GIT2: variants seen among roughly 807,000 people sequenced by gnomAD.
The protein encoded by GIT2 is ARF GTPase-activating protein GIT2.
A neutral mutation model predicts 100.3 loss-of-function variants in GIT2; 32 were observed. That is an observed-to-expected ratio of 0.32 (90% CI 0.24 to 0.43). GIT2 has a LOEUF of 0.43. GIT2 is among the 20% of genes least tolerant of loss of function. The pLI, the probability that GIT2 is intolerant of heterozygous loss-of-function variation, is 1.00. For missense variants in GIT2, 737 were observed against 975.1 expected, an observed-to-expected ratio of 0.76 and a Z score of 3.25; for synonymous variants, 353 against 364.1, an observed-to-expected ratio of 0.97 and a Z score of 0.35.
chr12:109,995,848 T>C (rs2137036532), intron 1 of GIT2, among the ~76,000 whole-genome samples: 1 of 152,268 alleles, frequency 6.6e-6, no homozygotes, highest in Non-Finnish European at 1.5e-5. Flanking sequence ...CACATTTTAC[T>C]TCTGTAATTG....
chr12:109,970,614 T>C (rs892036608), intron 7 of GIT2, among the ~76,000 whole-genome samples: 8 of 152,228 alleles, frequency 5.3e-5, no homozygotes, highest in African/African-American at 1.4e-4. Context: ...CTCTGGATTC[T>C]CTATACTGTT....
chr12:109,942,990 G>A (rs1191128543), intron 16 of GIT2: 1 of 152,180 alleles, frequency 6.6e-6, no homozygotes, highest in Non-Finnish European at 1.5e-5. Flanking sequence ...CTGTTAATAG[G>A]AAGGTTACCT....
chr12:109,996,285 G>T lies in GIT2; in HGVS notation c.-61C>A. ...GGGGGACAGCAAAGGCGGCGGTGGC[G>T]GCGGCGCTTCCGCTCTAACGGGTCC... On this transcript the variant is annotated 5_prime_UTR_variant, in exon 1 of 20. Coordinates refer to ENST00000355312, the MANE Select transcript of GIT2 (RefSeq NM_057169.5). 1 of 1,241,292 alleles carries T rather than the reference G, an allele frequency of 8.1e-7. No individual in the cohort carries two copies. The highest frequency in any genetic ancestry group is 2.2e-5 in the Admixed American group (1 of 44,754). The allele number at this position is 1,241,292 out of a possible 1,614,324, so 76.9% of individuals were successfully genotyped here.
At chr12:109,999,638 G>T (rs1889835130), upstream of GIT2, 4 of 1,444,572 alleles carry the variant, frequency 2.8e-6, no homozygotes, top group Non-Finnish European at 9.2e-7. This position sits in a 1 kb window ranked among gnomAD's most constrained non-coding sequence, Gnocchi z 4.3. Context: ...AGACCCCGCC[G>T]GGGCCGAGAC....
chr12:109,933,419 TA>T lies in GIT2; in HGVS notation c.2068-230del. The T allele has an allele frequency of 2.2e-6, 1 of 445,740 alleles. No homozygotes were observed. Among genetic ancestry groups the T allele is most frequent in the East Asian group, 3.5e-5 (1 of 28,900 alleles). The allele number at this position is 445,740 out of a possible 1,614,324, so 27.6% of individuals were successfully genotyped here. On this transcript the variant is annotated intron_variant, in intron 19 of 19. Coordinates refer to ENST00000355312, the MANE Select transcript of GIT2 (RefSeq NM_057169.5). This position sits in a 1 kb window ranked among gnomAD's most constrained non-coding sequence, Gnocchi z 4.5. The stretch of plus-strand genomic sequence containing the variant: ...CAAAGTGCATGCAGGGTAATTTTAG[TA>T]GTATGTGGTATTTTGAAGTAGTTTT...
intron 7 of GIT2, among the ~76,000 whole-genome samples, chr12:109,977,385 C>A (rs1341056288): frequency 6.6e-6 from 1 of 152,092 alleles, no homozygotes; most frequent in Admixed American, 6.6e-5. Context: ...GTGGCACACA[C>A]CTGTAGTCCC....
rs2136159616 is a variant in GIT2 at position 109,938,428 on chromosome 12, T to C, written c.1955A>G (p.Lys652Arg). The change falls in exon 18 of 20, where the codon AAA (lysine) becomes AGA (arginine). Residue 652 changes from lysine (K) to arginine (R), a missense_variant. Physicochemically the swap from Lys to Arg is conservative, Grantham distance 26 (BLOSUM62 2). Transcript: ENST00000355312. Reference protein sequence around the residue: ...DVIRKTEQITKNIQELLRAAQ... With the variant: ...DVIRKTEQITRNIQELLRAAQ... ...TGCTCTTAAGAGCTCCTGTATGTTT[T>C]TGGTGATCTGTTCAGTCTTCCTGAT... The C allele has an allele frequency of 1.2e-6, 2 of 1,614,090 alleles. No individual in the cohort carries two copies. Among genetic ancestry groups the C allele is most frequent in the East Asian group, 2.2e-5 (1 of 44,874 alleles).
chr12:109,985,615 C>T (rs548975841), intron 4 of GIT2, among the ~76,000 whole-genome samples: 23 of 152,032 alleles, frequency 1.5e-4, no homozygotes, highest in South Asian at 2.1e-4. Context: ...TTTGGGAGGC[C>T]GAGGCAGGCA....
chr12:109,936,603 C>T (rs2136143017), intron 18 of GIT2, among the ~76,000 whole-genome samples: 1 of 152,306 alleles, frequency 6.6e-6, no homozygotes, highest in East Asian at 1.9e-4. Flanking sequence ...CACGGTGGCT[C>T]ACGCCTGTAA....
chr12:109,989,916 A>G, intron 2 of GIT2, 114 bp from the exon 3 acceptor site: 2 of 669,784 alleles, frequency 3.0e-6, no homozygotes, highest in South Asian at 1.6e-5. Flanking sequence ...TTTGTTAGGA[A>G]TATCATTCAT....
chr12:109,992,754 T>C (rs1190496687), intron 1 of GIT2, among the ~76,000 whole-genome samples: 1 of 151,674 alleles, frequency 6.6e-6, no homozygotes, highest in Non-Finnish European at 1.5e-5. Context: ...TCACTGCAAC[T>C]TCTGCCTCCA....
chr12:109,991,520 A>G, intron 2 of GIT2, 107 bp downstream of exon 2: 1 of 816,900 alleles, frequency 1.2e-6, no homozygotes, highest in Non-Finnish European at 2.0e-6. Context: ...TCAATTATGA[A>G]ACAGTTTTGT....
At chr12:109,997,081 G>A (rs188036646), upstream of GIT2, among the ~76,000 whole-genome samples, 4,299 of 151,904 alleles carry the variant, frequency 0.028, 147 homozygotes, top group Admixed American at 0.092. Context: ...ACAGTGGCAG[G>A]AGCCTGTAAT....
At chr12:109,945,140 T>C (rs771202229) in intron 16 of GIT2, 120 bp downstream of exon 16, 105 of 649,034 alleles carry the variant, frequency 1.6e-4, no homozygotes, top group Non-Finnish European at 2.6e-4. Context: ...CAGGAGGAAG[T>C]GCTGCCTCAT....
Position 109,931,236 on chromosome 12 carries a change from G to A in GIT2, c.*1742C>T, listed in dbSNP as rs1465185820. ...TTGTGTCTTCTTCACATGTGTGAAT[G>A]ACTGCTATGGGACAGAACATATGGT... On this transcript the variant is annotated 3_prime_UTR_variant, in exon 20 of 20. Coordinates refer to ENST00000355312, the MANE Select transcript of GIT2 (RefSeq NM_057169.5). 6.6e-6 allele frequency: 1 copy of A among 152,284 alleles called. No homozygotes were observed. The highest frequency in any genetic ancestry group is 1.5e-5 in the Non-Finnish European group (1 of 68,068). The allele number at this position is 152,284 out of a possible 1,614,324, so 9.4% of individuals were successfully genotyped here. A position where few individuals can be genotyped will look rare whatever the true frequency, so the allele number is the denominator to read the frequency against.
chr12:109,969,510 T>C (rs949274960), intron 7 of GIT2, among the ~76,000 whole-genome samples: 9 of 152,116 alleles, frequency 5.9e-5, no homozygotes, highest in African/African-American at 2.2e-4. Context: ...CAATATTTTC[T>C]TTTATGCATT....
intron 14 of GIT2, chr12:109,949,053 G>A (rs1340511657): frequency 1.7e-6 from 1 of 576,274 alleles, no homozygotes; most frequent in Non-Finnish European, 3.0e-6. Context: ...TTTCTCTGAA[G>A]AGCAAGCCAT....
chr12:109,961,812 A>C (rs1177894544), intron 9 of GIT2, 127 bp from the exon 10 acceptor site: 1 of 661,016 alleles, frequency 1.5e-6, no homozygotes, highest in Non-Finnish European at 2.7e-6. Flanking sequence ...GTACATACCC[A>C]CTGTTAAACA....
At position 109,989,929 on chromosome 12, in the gene GIT2, C is replaced by A. The variant is rs539959597; in HGVS notation, c.187-127G>T. Reference sequence around the variant, plus strand: ...CATTTGTTAGGAATATCATTCATATCATTGTTTTCTGATTTGAGAATGAGA... The same window carrying A: ...CATTTGTTAGGAATATCATTCATATAATTGTTTTCTGATTTGAGAATGAGA... On this transcript the variant is annotated intron_variant, in intron 2 of 19. Transcript: ENST00000355312. 57 of 658,824 alleles carry A rather than the reference C, an allele frequency of 8.7e-5. No homozygotes were observed. In the African/African-American group the frequency reaches 9.0e-4, roughly 10 times the overall value. The allele number at this position is 658,824 out of a possible 1,614,324, so 40.8% of individuals were successfully genotyped here.
Sources: allele counts gnomAD v4.1 joint callset (sites outside exome capture counted in the v4.1 genomes callset), GRCh38; gene constraint gnomAD v4.1.1; non-coding constraint Gnocchi (gnomAD v3.1); transcripts MANE v1.5; gene names NCBI Gene and HGNC (gene_info 2026-07-23, HGNC 2026-07-21).